The following VGLL4 variants were observed in gnomAD, a reference collection of about 807,000 sequenced individuals.
VGLL4 encodes the protein transcription cofactor vestigial-like protein 4.
Under a neutral mutation model 21.0 loss-of-function variants are expected in VGLL4, and 7 were observed. The observed-to-expected ratio is 0.33, with a 90% CI of 0.19 to 0.63. The LOEUF (loss-of-function observed/expected upper bound fraction) is 0.63. Ranked by LOEUF, VGLL4 falls within the 20% of genes least tolerant of loss-of-function variation. The pLI is 0.78. For missense variants in VGLL4, 394 were observed against 425.7 expected, an observed-to-expected ratio of 0.93 and a Z score of 0.66; for synonymous variants, 222 against 173.2, an observed-to-expected ratio of 1.28 and a Z score of -2.21.
At chr3:11,569,796 ACCTGGGC>A (rs1293251837) in intron 2 of VGLL4, among the ~76,000 whole-genome samples, 5 of 152,166 alleles carry the variant, frequency 3.3e-5, no homozygotes, top group Non-Finnish European at 7.3e-5. Context: ...TGGGAGGATC[ACCTGGGC>A]CCAGGAGGTG....
intron 1 of VGLL4, among the ~76,000 whole-genome samples, chr3:11,642,121 G>A (rs913574305): frequency 1.3e-5 from 2 of 152,138 alleles, no homozygotes; most frequent in Non-Finnish European, 2.9e-5. Flanking sequence ...TCTAAAGTCG[G>A]CTGCCTTTTT....
At chr3:11,582,574 T>C (rs2074259064) in intron 2 of VGLL4, among the ~76,000 whole-genome samples, 1 of 152,206 alleles carries the variant, frequency 6.6e-6, no homozygotes, top group Non-Finnish European at 1.5e-5. Flanking sequence ...TACAGTTCCA[T>C]TTGGTGAGAA....
upstream of VGLL4, among the ~76,000 whole-genome samples, chr3:11,645,463 G>GC (rs1481352023): frequency 2.8e-5 from 4 of 140,982 alleles, no homozygotes; most frequent in Non-Finnish European, 6.1e-5. Flanking sequence ...GGTGGCGGGC[G>GC]CCTGTAGTCC....
intron 2 of VGLL4, among the ~76,000 whole-genome samples, chr3:11,572,043 G>T (rs1324973366): frequency 6.6e-6 from 1 of 151,914 alleles, no homozygotes; most frequent in Non-Finnish European, 1.5e-5. Context: ...GGAGATGGAG[G>T]TTGCAGTGAG....
intron 2 of VGLL4, among the ~76,000 whole-genome samples, chr3:11,573,032 G>T (rs549242502): frequency 1.3e-5 from 2 of 151,914 alleles, no homozygotes; most frequent in African/African-American, 2.4e-5. Flanking sequence ...TGGGCTTGGT[G>T]GTGGGCGCCT....
intron 1 of VGLL4, among the ~76,000 whole-genome samples, chr3:11,636,646 AGTCGCT>A (rs1005599612): frequency 1.3e-5 from 2 of 152,334 alleles, no homozygotes; most frequent in African/African-American, 4.8e-5. Context: ...GCAGCAGGAA[AGTCGCT>A]GTTCAGGCCC....
At position 11,556,196 on chromosome 3, in the gene VGLL4, C is replaced by T. The variant is rs2072388016; in HGVS notation, c.*2360G>A. On this transcript the variant is annotated 3_prime_UTR_variant, in exon 5 of 5. Coordinates refer to ENST00000430365, the MANE Select transcript of VGLL4 (RefSeq NM_001128219.3). ...CAGAGAATGGTATATTACAGATTTA[C>T]ACACATGAAGAGAAGGTCAGAGCGC... The T allele has an allele frequency of 6.6e-6, 1 of 152,570 alleles. No homozygotes were observed. The highest frequency in any genetic ancestry group is 2.4e-5 in the African/African-American group (1 of 41,394). 9.5% of individuals were successfully genotyped at this position (152,570 alleles called of 1,614,324 possible). A position where few individuals can be genotyped will look rare whatever the true frequency, so the allele number is the denominator to read the frequency against.
chr3:11,562,105 C>G (rs2073073795), intron 3 of VGLL4, among the ~76,000 whole-genome samples: 1 of 151,990 alleles, frequency 6.6e-6, no homozygotes, highest in Non-Finnish European at 1.5e-5. Flanking sequence ...ACCATGTTGG[C>G]CAGGCTGGTC....
rs540522318 is a variant in VGLL4, at chr3:11,702,880, C to T, written c.64+91G>A. 6 of 1,231,140 alleles carry T rather than the reference C, an allele frequency of 4.9e-6. No homozygotes were observed. The African/African-American group carries it at 9.3e-5, about 19-fold the overall frequency. 76.3% of individuals were successfully genotyped at this position (1,231,140 alleles called of 1,614,324 possible). On this transcript the variant is annotated intron_variant, in intron 2 of 5. Transcript: ENST00000273038. ...AAATTAACAGCAAATAGCCAGAAAA[C>T]CATGTAGAGAAGCATGTAATTTTGT...
At position 11,643,513 on chromosome 3, in the gene VGLL4, T is replaced by C. The variant is rs528386411; in HGVS notation, c.6A>G (p.Leu2=). The change falls in exon 1 of 5, where the codon CTA becomes CTG. Residue 2 remains leucine, a synonymous_variant. Coordinates refer to ENST00000430365, the MANE Select transcript of VGLL4 (RefSeq NM_001128219.3). ...AGTTCAACAGGTCCATCTTCATAAA[T>C]AGCATTTATTGGGCTAGCAAAGAAA... The part of the protein sequence containing the change: M[L]FMKMDLLNYQ... 8.4e-4 allele frequency: 1,362 copies of C among 1,614,054 alleles called. 27 individuals are homozygous for C. The South Asian group carries it at 0.014, about 17-fold the overall frequency.
chr3:11,690,305 A>G (rs1433322633), intron 2 of VGLL4, among the ~76,000 whole-genome samples: 3 of 152,146 alleles, frequency 2.0e-5, no homozygotes, highest in African/African-American at 7.2e-5. Flanking sequence ...CAAATTTTCT[A>G]ATACTATTAC....
In VGLL4 at chr3:11,609,778, A is replaced by C. The variant is rs374130849; in HGVS notation, c.83-7756T>G. ...GGCGATGGCATGGCTCTGAGCAATT[A>C]ACCAAAATAATGGTATTTATGGGCA... On this transcript the variant is annotated intron_variant, in intron 1 of 4. Coordinates refer to ENST00000430365, the MANE Select transcript of VGLL4 (RefSeq NM_001128219.3). Among the ~76,000 whole-genome samples, 5 of 152,340 alleles carry C rather than the reference A, an allele frequency of 3.3e-5. No homozygotes were observed. In the East Asian group the frequency reaches 9.6e-4, roughly 29 times the overall value.
intron 2 of VGLL4, among the ~76,000 whole-genome samples, chr3:11,571,346 T>TCGCCGC (rs1201960628): frequency 1.4e-4 from 21 of 152,158 alleles, no homozygotes; most frequent in African/African-American, 4.8e-4. Flanking sequence ...ACAGCCAGCA[T>TCGCCGC]CACTGCCACA....
chr3:11,694,589 T>G (rs1196206093), intron 2 of VGLL4, among the ~76,000 whole-genome samples: 1 of 150,878 alleles, frequency 6.6e-6, no homozygotes, highest in African/African-American at 2.4e-5. Flanking sequence ...GCCACTGTAC[T>G]CCAGCCTGGG....
At chr3:11,609,688 C>T (rs1043042278) in intron 1 of VGLL4, among the ~76,000 whole-genome samples, 5 of 152,236 alleles carry the variant, frequency 3.3e-5, no homozygotes, top group African/African-American at 1.2e-4. Context: ...ACCCGGGTCT[C>T]GGCCACATGG....
At chr3:11,662,870 A>G (rs1230390990) in intron 2 of VGLL4, among the ~76,000 whole-genome samples, 2 of 152,232 alleles carry the variant, frequency 1.3e-5, no homozygotes, top group African/African-American at 4.8e-5. Context: ...AACAACAGTG[A>G]TTACCTCAGA....
intron 2 of VGLL4, among the ~76,000 whole-genome samples, chr3:11,586,295 C>T (rs2074360414): frequency 6.6e-6 from 1 of 152,184 alleles, no homozygotes; most frequent in East Asian, 1.9e-4. Context: ...GCTAGTCCTT[C>T]AGCATTTCTG....
At chr3:11,637,139 T>C (rs1223997606) in intron 1 of VGLL4, among the ~76,000 whole-genome samples, 2 of 151,752 alleles carry the variant, frequency 1.3e-5, no homozygotes. Flanking sequence ...ACAACTGTGG[T>C]GAACTCTTGG....
chr3:11,691,084 CT>C (rs1408757395), intron 2 of VGLL4, among the ~76,000 whole-genome samples: 1 of 151,868 alleles, frequency 6.6e-6, no homozygotes, highest in African/African-American at 2.4e-5. Context: ...TTACATCCCA[CT>C]TTTTCAGCTC....
Sources: gnomAD v4.1 joint callset for allele counts (sites outside exome capture counted in the v4.1 genomes callset) on GRCh38, gnomAD v4.1.1 for gene constraint, MANE v1.5 for transcripts, NCBI Gene and HGNC (gene_info 2026-07-23, HGNC 2026-07-21) for gene names.